The following HTR3E variants were observed in gnomAD, a reference collection of about 807,000 sequenced individuals.
HTR3E encodes the protein 5-hydroxytryptamine (serotonin) receptor 3, family member E.
In HTR3E, 38 loss-of-function variants were observed where a neutral mutation model predicts 38.0. That is an observed-to-expected ratio of 1.00 (90% CI 0.77 to 1.31). The LOEUF (loss-of-function observed/expected upper bound fraction) is 1.31, where lower values mean the gene tolerates loss of function less well. Ranked by LOEUF, HTR3E falls within the 50% of genes most tolerant of loss-of-function variation. HTR3E has a pLI of 0.00. For missense variants in HTR3E, 547 were observed against 585.2 expected, an observed-to-expected ratio of 0.93 and a Z score of 0.67; for synonymous variants, 210 against 232.9, an observed-to-expected ratio of 0.90 and a Z score of 0.89.
At chr3:184,099,481 G>A (rs369346312) in intron 1 of HTR3E, among the ~76,000 whole-genome samples, 3 of 152,050 alleles carry the variant, frequency 2.0e-5, no homozygotes, top group Non-Finnish European at 2.9e-5. Context: ...TTGGGAGGCC[G>A]AGGCGGGTGG....
chr3:184,104,428 A>T, intron 4 of HTR3E, 137 bp downstream of exon 4: 1 of 1,362,186 alleles, frequency 7.3e-7, no homozygotes, highest in Non-Finnish European at 9.7e-7. Flanking sequence ...AAACTGAGCC[A>T]GGCGCAGTGG....
At chr3:184,101,806 A>G (rs1291957561) in intron 3 of HTR3E, among the ~76,000 whole-genome samples, 2 of 152,182 alleles carry the variant, frequency 1.3e-5, no homozygotes, top group African/African-American at 4.8e-5. Flanking sequence ...CCTGGCCAAC[A>G]TGGTGAAACC....
At position 184,106,666 on chromosome 3, in the gene HTR3E, C is replaced by T; in HGVS notation, c.1344C>T (p.Ile448=). 1.2e-6 allele frequency: 2 copies of T among 1,614,174 alleles called. No individual in the cohort carries two copies. Among genetic ancestry groups the T allele is most frequent in the Non-Finnish European group, 1.7e-6 (2 of 1,180,024 alleles). ...TGCTCTTCATGGCCTCCTCTATCAT[C>T]ACCGTCATATGCCTCTGGAACACCT... The part of the protein sequence containing the change: ...LYLLFMASSI[I]TVICLWNT Residue 448 remains isoleucine, a synonymous_variant, in exon 9 of 9, where the codon ATC becomes ATT. Coordinates refer to ENST00000415389, the MANE Select transcript of HTR3E (RefSeq NM_001256613.2). The surrounding 1 kb of genome is among the most constrained non-coding windows in gnomAD (Gnocchi z 4.1).
chr3:184,105,909 T>G lies in HTR3E; in HGVS notation c.865T>G (p.Tyr289Asp), dbSNP rs759797825. Residue 289 changes from tyrosine to aspartate, a missense_variant, in exon 7 of 9, where the codon TAC becomes GAC. Physicochemically the swap from Tyr to Asp is radical, Grantham distance 160 (BLOSUM62 -3). Coordinates refer to ENST00000415389, the MANE Select transcript of HTR3E (RefSeq NM_001256613.2). Reference sequence around the variant, plus strand: ...ATTCAAGATAACGCTCCTGCTGGGCTACAACGTCTTCCTGCTCATGATGAG... The same window carrying G: ...ATTCAAGATAACGCTCCTGCTGGGCGACAACGTCTTCCTGCTCATGATGAG... ...VPFKITLLLGYNVFLLMMSDL... is the reference protein window; with the variant it reads ...VPFKITLLLGDNVFLLMMSDL... The G allele has an allele frequency of 6.2e-7, 1 of 1,614,182 alleles. No homozygotes were observed. The highest frequency in any genetic ancestry group is 2.2e-5 in the East Asian group (1 of 44,872).
At chr3:184,099,789 C>G (rs896170820) in intron 1 of HTR3E, among the ~76,000 whole-genome samples, 2 of 139,062 alleles carry the variant, frequency 1.4e-5, no homozygotes, top group East Asian at 2.3e-4. Flanking sequence ...TAAAATAAAA[C>G]TTTTTTAAAG....
intron 4 of HTR3E, among the ~76,000 whole-genome samples, chr3:184,104,571 G>A (rs1024434422): frequency 6.6e-6 from 1 of 150,556 alleles, no homozygotes. Context: ...AAATTAGCCA[G>A]GCCTGGTGGT....
chr3:184,099,206 C>A (rs1159636087), intron 1 of HTR3E, among the ~76,000 whole-genome samples: 1 of 151,682 alleles, frequency 6.6e-6, no homozygotes, highest in African/African-American at 2.4e-5. Context: ...CCAGCCTGGG[C>A]AATATAGTGA....
intron 1 of HTR3E, among the ~76,000 whole-genome samples, chr3:184,098,833 CAA>C (rs1476172955): frequency 6.6e-6 from 1 of 151,958 alleles, no homozygotes; most frequent in Non-Finnish European, 1.5e-5. Context: ...CACCTGAGGT[CAA>C]GAGTTCAAGA....
Position 184,106,114 on chromosome 3 carries a change from C to A in HTR3E, c.926-14C>A. ...TGGTGCCTCTGGCCCTCACTAGGCC[C>A]CCCTTCCCTCCAGGTGTCTACTTCG... On this transcript the variant is annotated splice_polypyrimidine_tract_variant and intron_variant, in intron 7 of 8. Coordinates refer to ENST00000415389, the MANE Select transcript of HTR3E (RefSeq NM_001256613.2). This position sits in a 1 kb window ranked among gnomAD's most constrained non-coding sequence, Gnocchi z 4.1. The A allele has an allele frequency of 6.2e-7, 1 of 1,613,598 alleles. No individual in the cohort carries two copies. Among genetic ancestry groups the A allele is most frequent in the Non-Finnish European group, 8.5e-7 (1 of 1,179,952 alleles).
rs781119898 is a variant in HTR3E, at chr3:184,104,870, T to C, written c.473T>C (p.Val158Ala). ...GRIRYKKPMK[V>A]DSICNLDIFY... is the part of the protein sequence containing the mutation. ...ATCAGGTATAAGAAACCCATGAAGG[T>C]GGACAGTATCTGTAACCTGGACATC... The change falls in exon 5 of 9, where the codon GTG becomes GCG. Residue 158 changes from valine to alanine, a missense_variant. Coordinates refer to ENST00000415389, the MANE Select transcript of HTR3E (RefSeq NM_001256613.2). 1.8e-5 allele frequency: 29 copies of C among 1,613,908 alleles called. No individual in the cohort carries two copies. The highest frequency in any genetic ancestry group is 2.3e-5 in the Non-Finnish European group (27 of 1,179,990).
In HTR3E at chr3:184,106,879, C is replaced by A; in HGVS notation, c.*186C>A. Reference sequence around the variant, plus strand: ...TCCCAGACATTTCTCCCTGTTCCTGCATTTTGTTGGCTTCCTTCAGTCCTA... The same window carrying A: ...TCCCAGACATTTCTCCCTGTTCCTGAATTTTGTTGGCTTCCTTCAGTCCTA... On this transcript the variant is annotated 3_prime_UTR_variant, in exon 9 of 9. Transcript: ENST00000415389. The surrounding 1 kb of genome is among the most constrained non-coding windows in gnomAD (Gnocchi z 4.1). 4.5e-6 allele frequency: 3 copies of A among 673,582 alleles called. No individual in the cohort carries two copies. Among genetic ancestry groups the A allele is most frequent in the South Asian group, 3.9e-5 (2 of 50,822 alleles). 41.7% of individuals were successfully genotyped at this position (673,582 alleles called of 1,614,324 possible).
intron 1 of HTR3E, among the ~76,000 whole-genome samples, chr3:184,099,636 C>T (rs573022369): frequency 6.3e-4 from 91 of 143,890 alleles, no homozygotes; most frequent in African/African-American, 2.3e-3. Flanking sequence ...ATGGCGTGAA[C>T]CCGGGAAGCG....
intron 1 of HTR3E, among the ~76,000 whole-genome samples, chr3:184,098,948 C>G (rs1162600353): frequency 6.6e-6 from 1 of 151,674 alleles, no homozygotes; most frequent in African/African-American, 2.4e-5. Flanking sequence ...GAGGCTGAGG[C>G]AGAAGAATCG....
rs199689348 is a variant in HTR3E, at chr3:184,105,789, C to T, written c.745C>T (p.Leu249Phe). The change falls in exon 7 of 9, where the codon CTC (leucine) becomes TTC (phenylalanine). Residue 249 changes from leucine (L) to phenylalanine (F), a missense_variant. Physicochemically the swap from Leu to Phe is conservative, Grantham distance 22 (BLOSUM62 0). Coordinates refer to ENST00000415389, the MANE Select transcript of HTR3E (RefSeq NM_001256613.2). ...FYVAIRRRPS[L>F]YVINLLVPSG... ...GGTGGCCATCAGGCGCAGGCCCAGT[C>T]TCTATGTCATAAACCTTCTCGTGCC... 2.2e-5 allele frequency: 36 copies of T among 1,614,028 alleles called. No homozygotes were observed. Among genetic ancestry groups the T allele is most frequent in the Admixed American group, 5.0e-5 (3 of 59,996 alleles).
At chr3:184,104,097 A>G in intron 3 of HTR3E, 85 bp from the exon 4 acceptor site, 1 of 851,204 alleles carries the variant, frequency 1.2e-6, no homozygotes, top group Non-Finnish European at 1.7e-6. Flanking sequence ...ATATTTTTCT[A>G]TATGCTTGAA....
chr3:184,103,313 C>A (rs1331271870), intron 3 of HTR3E, among the ~76,000 whole-genome samples: 3 of 133,132 alleles, frequency 2.3e-5, no homozygotes, highest in South Asian at 2.7e-4. Flanking sequence ...GAAACTCCAT[C>A]TCTACCAAAA....
rs558823383 is a variant in HTR3E at position 184,105,801 on chromosome 3, A to T, written c.757A>T (p.Asn253Tyr). Residue 253 changes from asparagine (N) to tyrosine (Y), a missense_variant, in exon 7 of 9, where the codon AAC becomes TAC. By Grantham distance (143) the Asn-to-Tyr change is moderately radical (BLOSUM62 -2). Transcript: ENST00000415389. ...GCGCAGGCCCAGTCTCTATGTCATA[A>T]ACCTTCTCGTGCCCAGTGGCTTTCT... ...IRRRPSLYVI[N>Y]LLVPSGFLVA... is the part of the protein sequence containing the mutation. 7 of 1,614,142 alleles carry T rather than the reference A, an allele frequency of 4.3e-6. No homozygotes were observed. The highest frequency in any genetic ancestry group is 1.3e-5 in the African/African-American group (1 of 75,024).
In HTR3E at chr3:184,100,532, G is replaced by T. The variant is rs530063012; in HGVS notation, c.115G>T (p.Gly39Trp). 4 of 1,614,140 alleles carry T rather than the reference G, an allele frequency of 2.5e-6. No individual in the cohort carries two copies. The highest frequency in any genetic ancestry group is 3.4e-6 in the Non-Finnish European group (4 of 1,180,028). Residue 39 changes from glycine to tryptophan, a missense_variant, in exon 2 of 9, where the codon GGG becomes TGG. Coordinates refer to ENST00000415389, the MANE Select transcript of HTR3E (RefSeq NM_001256613.2). ...TINCSGFGQH[G>W]ADPTALNSVF... ...CAATTGCTCAGGGTTTGGCCAGCAC[G>T]GGGCGGATCCCACTGCTCTGAATTC...
intron 3 of HTR3E, among the ~76,000 whole-genome samples, chr3:184,101,854 G>T (rs1267461946): frequency 6.6e-6 from 1 of 152,222 alleles, no homozygotes; most frequent in Non-Finnish European, 1.5e-5. Flanking sequence ...GCTGGGCATG[G>T]TGGCGGGCGC....
Sources: allele counts gnomAD v4.1 joint callset (sites outside exome capture counted in the v4.1 genomes callset), GRCh38; gene constraint gnomAD v4.1.1; non-coding constraint Gnocchi (gnomAD v3.1); transcripts MANE v1.5; gene names NCBI Gene and HGNC (gene_info 2026-07-23, HGNC 2026-07-21).